Variants in MBNL2 observed in about 807,000 individuals in gnomAD.
MBNL2 encodes muscleblind like splicing regulator 2.
MBNL2 carries 17 observed loss-of-function variants against 41.9 expected under a neutral mutation model. The ratio of observed to expected loss-of-function variants is 0.41; its 90% CI spans 0.28 to 0.61. The LOEUF (loss-of-function observed/expected upper bound fraction) is 0.61, where lower values mean the gene tolerates loss of function less well. Ranked by LOEUF, MBNL2 falls within the 20% of genes least tolerant of loss-of-function variation. MBNL2 has a pLI of 0.35. For missense variants in MBNL2, 336 were observed against 505.6 expected, an observed-to-expected ratio of 0.66 and a Z score of 3.22; for synonymous variants, 195 against 182.9, an observed-to-expected ratio of 1.07 and a Z score of -0.53.
intron 2 of MBNL2, among the ~76,000 whole-genome samples, chr13:97,325,341 T>C (rs1433767031): frequency 1.3e-5 from 2 of 152,024 alleles, no homozygotes; most frequent in Non-Finnish European, 2.9e-5. Context: ...GTAAGAGGGG[T>C]TTCTCCCTTC....
rs897861074 is a variant in MBNL2 at position 97,291,535 on chromosome 13, G to A, written c.174+15126G>A. Among the ~76,000 whole-genome samples, 55 of 152,082 alleles carry A rather than the reference G, an allele frequency of 3.6e-4. 2 individuals are homozygous for A. Among genetic ancestry groups the A allele is most frequent in the Non-Finnish European group, 1.0e-4 (7 of 68,014 alleles). On this transcript the variant is annotated intron_variant, in intron 2 of 8. Coordinates refer to ENST00000679496, the MANE Select transcript of MBNL2 (RefSeq NM_001382683.1). ...TTAGAAAAGCTGATGTGTCACGACA[G>A]GTTATTAAAAAGATCAAGTAATACA...
chr13:97,256,271 G>C (rs910524835), intron 1 of MBNL2, among the ~76,000 whole-genome samples: 1 of 151,706 alleles, frequency 6.6e-6, no homozygotes, highest in Non-Finnish European at 1.5e-5. Context: ...ATCATGACAT[G>C]TGAAATTCCT....
chr13:97,373,393 G>A (rs920581615), intron 8 of MBNL2, among the ~76,000 whole-genome samples: 7 of 151,550 alleles, frequency 4.6e-5, no homozygotes, highest in Admixed American at 3.3e-4. Flanking sequence ...TTGTAGAGAA[G>A]GCAGGAGAGA....
At chr13:97,327,680 T>C (rs1383694837) in intron 2 of MBNL2, among the ~76,000 whole-genome samples, 2 of 151,534 alleles carry the variant, frequency 1.3e-5, no homozygotes, top group Non-Finnish European at 1.5e-5. Flanking sequence ...AGTCATGCCA[T>C]GTTGATTAGC....
the MBNL2 span, among the ~76,000 whole-genome samples, chr13:97,144,366 A>G: frequency 6.6e-6 from 1 of 150,606 alleles, no homozygotes; most frequent in Admixed American, 6.6e-5. Flanking sequence ...ATGTTATCCC[A>G]GAAATTGTGC....
chr13:97,363,876 C>T (rs1423940147), intron 7 of MBNL2, among the ~76,000 whole-genome samples: 1 of 152,026 alleles, frequency 6.6e-6, no homozygotes, highest in African/African-American at 2.4e-5. Context: ...CGCCCTCCAG[C>T]GTGAACAGCT....
intron 1 of MBNL2, among the ~76,000 whole-genome samples, chr13:97,245,697 A>T (rs2045322926): frequency 6.6e-6 from 1 of 152,216 alleles, no homozygotes; most frequent in South Asian, 2.1e-4. Context: ...CCTGAATTTG[A>T]TATTTAGGCA....
chr13:97,234,350 C>G (rs1007304130), intron 1 of MBNL2, among the ~76,000 whole-genome samples: 1 of 152,172 alleles, frequency 6.6e-6, no homozygotes. Flanking sequence ...TGATAGAATA[C>G]CTTTATATAT....
the MBNL2 span, among the ~76,000 whole-genome samples, chr13:97,144,773 A>G: frequency 2.0e-5 from 3 of 152,180 alleles, no homozygotes; most frequent in African/African-American, 7.2e-5. Flanking sequence ...CAGCCACCAC[A>G]TGACGGCGGA....
At position 97,356,831 on chromosome 13, in the gene MBNL2, C is replaced by T. The variant is rs750141824; in HGVS notation, c.840C>T (p.Leu280=). ...CTGCCAAAGCAATGAAGCGACCTCT[C>T]GAAGCAACTGTAGACCTGGTACTTT... The part of the protein sequence containing the change: ...QSTAKAMKRP[L]EATVDLAFPP... The change falls in exon 6 of 9, where the codon CTC becomes CTT. Residue 280 remains leucine (L), a synonymous_variant. Transcript: ENST00000679496. 2.9e-6 allele frequency: 4 copies of T among 1,362,782 alleles called. No homozygotes were observed. The highest frequency in any genetic ancestry group is 1.9e-5 in the Admixed American group (1 of 52,368). 84.4% of individuals were successfully genotyped at this position (1,362,782 alleles called of 1,614,324 possible).
intron 8 of MBNL2, among the ~76,000 whole-genome samples, chr13:97,367,077 A>G (rs766927420): frequency 3.9e-4 from 59 of 152,210 alleles, no homozygotes; most frequent in Middle Eastern, 3.2e-3. Context: ...CCCACCTTAC[A>G]ATCTGCTCCA....
At chr13:97,333,314 A>C (rs1463222555) in intron 2 of MBNL2, among the ~76,000 whole-genome samples, 1 of 152,190 alleles carries the variant, frequency 6.6e-6, no homozygotes, top group Admixed American at 6.5e-5. Flanking sequence ...TTGGGGATGA[A>C]GTATAAACAC....
chr13:97,175,058 T>C, the MBNL2 span, among the ~76,000 whole-genome samples: 1 of 152,162 alleles, frequency 6.6e-6, no homozygotes. Flanking sequence ...ATAGGAGCAT[T>C]GAGGCCATGT....
At chr13:97,143,338 G>A in the MBNL2 span, among the ~76,000 whole-genome samples, 1 of 152,184 alleles carries the variant, frequency 6.6e-6, no homozygotes, top group Non-Finnish European at 1.5e-5. Flanking sequence ...GCTGATTTGG[G>A]TCTCAGCACT....
chr13:97,379,689 T>A (rs1203997339), intron 8 of MBNL2, among the ~76,000 whole-genome samples: 1 of 4,158 alleles, frequency 2.4e-4, no homozygotes, highest in Non-Finnish European at 4.4e-4. Context: ...ACAGAAAGGG[T>A]GGGAGGGTGG....
intron 1 of MBNL2, among the ~76,000 whole-genome samples, chr13:97,230,930 G>T (rs1024799444): frequency 6.6e-6 from 1 of 152,122 alleles, no homozygotes; most frequent in South Asian, 2.1e-4. Flanking sequence ...TTTAAAAGTC[G>T]ATCTTCACTA....
At chr13:97,278,608 A>G (rs1260965235) in intron 2 of MBNL2, among the ~76,000 whole-genome samples, 1 of 152,348 alleles carries the variant, frequency 6.6e-6, no homozygotes, top group Non-Finnish European at 1.5e-5. Flanking sequence ...ATAAAGGGTC[A>G]TGAATCATTT....
chr13:97,348,889 G>A (rs1230802515), intron 5 of MBNL2, among the ~76,000 whole-genome samples: 2 of 152,172 alleles, frequency 1.3e-5, no homozygotes, highest in Non-Finnish European at 2.9e-5. Flanking sequence ...GTTTATTAAG[G>A]CATGGACCTG....
chr13:97,362,845 C>A (rs993596508), intron 7 of MBNL2: 14 of 152,282 alleles, frequency 9.2e-5, no homozygotes, highest in African/African-American at 3.4e-4. Context: ...GATGGATGAA[C>A]AGATGAATGC....
Sources: gnomAD v4.1 joint callset for allele counts (sites outside exome capture counted in the v4.1 genomes callset) on GRCh38, gnomAD v4.1.1 for gene constraint, MANE v1.5 for transcripts, NCBI Gene and HGNC (gene_info 2026-07-23, HGNC 2026-07-21) for gene names.